Variants in SLC4A10 observed in about 807,000 individuals in gnomAD.
SLC4A10 encodes sodium-driven chloride bicarbonate exchanger.
SLC4A10 carries 42 observed loss-of-function variants against 137.7 expected under a neutral mutation model. The observed-to-expected ratio is 0.30, with a 90% CI of 0.24 to 0.39. The LOEUF (loss-of-function observed/expected upper bound fraction) is 0.39. SLC4A10 is among the 10% of genes least tolerant of loss of function. SLC4A10 has a pLI of 1.00. For missense variants in SLC4A10, 925 were observed against 1,355.0 expected (o/e 0.68, Z 4.98); for synonymous variants, 474 against 464.1 (o/e 1.02, Z -0.27).
In SLC4A10 at chr2:161,887,527, T is replaced by C. The variant is rs546129488; in HGVS notation, c.1194+5083T>C. Among the ~76,000 whole-genome samples the C allele has an allele frequency of 1.4e-4, 22 of 152,344 alleles. No individual in the cohort carries two copies. The South Asian group carries it at 4.4e-3, about 30-fold the overall frequency. On this transcript the variant is annotated intron_variant, in intron 10 of 26. Transcript: ENST00000446997. The stretch of plus-strand genomic sequence containing the variant: ...GTCACTGGCATGAGATGGTATCTCA[T>C]TGTGGTTTTGATTTGCATTTCTCTA...
chr2:161,742,383 C>T (rs1012294299), intron 1 of SLC4A10, among the ~76,000 whole-genome samples: 1 of 149,456 alleles, frequency 6.7e-6, no homozygotes, highest in Non-Finnish European at 1.5e-5. Context: ...TTTTAGTTTT[C>T]TGGGAAACCT....
rs2043061988 is a variant in SLC4A10 at position 161,700,954 on chromosome 2, TA to T, written c.49-70017del. ...ACAGTTTTTTCTTTTTTTGATACTA[TA>T]ACAAGTTAATCTTTTTTAGAATGAT... On this transcript the variant is annotated intron_variant, in intron 1 of 26. Transcript: ENST00000446997. Among the ~76,000 whole-genome samples the T allele has an allele frequency of 2.0e-5, 3 of 152,238 alleles. No homozygotes were observed. In the East Asian group the frequency reaches 5.8e-4, roughly 29 times the overall value.
intron 15 of SLC4A10, among the ~76,000 whole-genome samples, chr2:161,918,615 T>C (rs904334296): frequency 6.6e-6 from 1 of 152,230 alleles, no homozygotes; most frequent in African/African-American, 2.4e-5. Context: ...TCACCACTTA[T>C]GGGTATGTGA....
intron 1 of SLC4A10, among the ~76,000 whole-genome samples, chr2:161,679,068 C>T (rs2105839713): frequency 6.6e-6 from 1 of 152,164 alleles, no homozygotes; most frequent in Non-Finnish European, 1.5e-5. Context: ...TTTACTTTCT[C>T]ACCAGTAATC....
chr2:161,763,253 A>T lies in SLC4A10; in HGVS notation c.49-7720A>T, dbSNP rs77971223. Among the ~76,000 whole-genome samples the T allele has an allele frequency of 7.0e-3, 1,058 of 152,148 alleles. 20 individuals carry two copies. Among genetic ancestry groups the T allele is most frequent in the African/African-American group, 0.025 (1,030 of 41,534 alleles). ...AGATGTTTCTTACTCAAAGTCGTGT[A>T]CGTAGGTTGCCATCCTAATTACATG... On this transcript the variant is annotated intron_variant, in intron 1 of 26. Coordinates refer to ENST00000446997, the MANE Select transcript of SLC4A10 (RefSeq NM_001178015.2).
intron 1 of SLC4A10, among the ~76,000 whole-genome samples, chr2:161,674,888 T>C (rs2040117006): frequency 6.6e-6 from 1 of 152,186 alleles, no homozygotes; most frequent in African/African-American, 2.4e-5. Context: ...GAACTGATTT[T>C]GTTAAGTCCA....
chr2:161,710,774 T>C, intron 1 of SLC4A10: 1 of 451,726 alleles, frequency 2.2e-6, no homozygotes, highest in Non-Finnish European at 4.5e-6. Flanking sequence ...TAAAAACTAT[T>C]TGAGTAATTC....
At chr2:161,913,029 A>G (rs1012022115) in intron 15 of SLC4A10, among the ~76,000 whole-genome samples, 3 of 152,176 alleles carry the variant, frequency 2.0e-5, no homozygotes, top group Non-Finnish European at 4.4e-5. Flanking sequence ...AAGTCAAAGT[A>G]TCAAAAACAG....
intron 3 of SLC4A10, among the ~76,000 whole-genome samples, chr2:161,820,815 G>C (rs2057551633): frequency 1.3e-5 from 2 of 152,092 alleles, no homozygotes; most frequent in African/African-American, 2.4e-5. Flanking sequence ...ATTATCAATT[G>C]CTGAGTCATA....
At chr2:161,859,745 C>T (rs969026235) in intron 5 of SLC4A10, among the ~76,000 whole-genome samples, 3 of 151,856 alleles carry the variant, frequency 2.0e-5, no homozygotes, top group Middle Eastern at 3.4e-3. Flanking sequence ...GGACTACAGG[C>T]GCCCGCCACC....
At chr2:161,677,496 T>C (rs2040395449) in intron 1 of SLC4A10, among the ~76,000 whole-genome samples, 1 of 152,220 alleles carries the variant, frequency 6.6e-6, no homozygotes, top group Non-Finnish European at 1.5e-5. Context: ...TATCTTATTC[T>C]TGAGATACAG....
intron 1 of SLC4A10, among the ~76,000 whole-genome samples, chr2:161,734,274 T>C (rs899952958): frequency 1.3e-5 from 2 of 152,168 alleles, no homozygotes; most frequent in Non-Finnish European, 2.9e-5. Flanking sequence ...AATTCCTATG[T>C]GTTGTGGGAG....
At chr2:161,920,397 GA>G (rs1011086106) in intron 15 of SLC4A10, among the ~76,000 whole-genome samples, 9 of 149,856 alleles carry the variant, frequency 6.0e-5, no homozygotes, top group African/African-American at 1.7e-4. Flanking sequence ...CTTAACTCAA[GA>G]AAAAAAAAGT....
At chr2:161,721,107 G>A (rs2045613375) in intron 1 of SLC4A10, among the ~76,000 whole-genome samples, 1 of 152,158 alleles carries the variant, frequency 6.6e-6, no homozygotes, top group South Asian at 2.1e-4. Flanking sequence ...TGGATTACAG[G>A]CATGAGCCAG....
chr2:161,932,564 A>G (rs1219136891), intron 15 of SLC4A10, among the ~76,000 whole-genome samples: 1 of 152,138 alleles, frequency 6.6e-6, no homozygotes, highest in Non-Finnish European at 1.5e-5. Flanking sequence ...TTCTATTAGG[A>G]CTTGCCTCTG....
chr2:161,878,616 A>T (rs1357760467), intron 8 of SLC4A10, among the ~76,000 whole-genome samples: 1 of 152,178 alleles, frequency 6.6e-6, no homozygotes, highest in Non-Finnish European at 1.5e-5. Flanking sequence ...TACCAGGCCA[A>T]GTATATAATG....
intron 1 of SLC4A10, among the ~76,000 whole-genome samples, chr2:161,738,781 C>T (rs1169712130): frequency 6.6e-6 from 1 of 152,114 alleles, no homozygotes; most frequent in Non-Finnish European, 1.5e-5. Context: ...TTGGAGAGGA[C>T]ATTAGGTTTA....
intron 2 of SLC4A10, among the ~76,000 whole-genome samples, chr2:161,774,209 G>A (rs2052030426): frequency 6.6e-6 from 1 of 151,812 alleles, no homozygotes; most frequent in South Asian, 2.1e-4. Context: ...ACATCAATGT[G>A]AGATGAGTAC....
At chr2:161,815,257 C>T (rs542268481) in intron 3 of SLC4A10, among the ~76,000 whole-genome samples, 16 of 152,084 alleles carry the variant, frequency 1.1e-4, no homozygotes, top group African/African-American at 2.7e-4. Context: ...CCCCATGTGT[C>T]CAAGGAGGGA....
Sources: allele counts gnomAD v4.1 joint callset (sites outside exome capture counted in the v4.1 genomes callset), GRCh38; gene constraint gnomAD v4.1.1; transcripts MANE v1.5; gene names NCBI Gene and HGNC (gene_info 2026-07-23, HGNC 2026-07-21).